DNAH1: variants seen among roughly 807,000 people sequenced by gnomAD.
The protein encoded by DNAH1 is axonemal beta dynein heavy chain 1.
Under a neutral mutation model 484.3 loss-of-function variants are expected in DNAH1, and 327 were observed. That is an observed-to-expected ratio of 0.68 (90% CI 0.62 to 0.74). The LOEUF (loss-of-function observed/expected upper bound fraction) is 0.74, where lower values mean the gene tolerates loss of function less well. Ranked by LOEUF, DNAH1 falls within the 30% of genes least tolerant of loss-of-function variation. The pLI, the probability that DNAH1 is intolerant of heterozygous loss-of-function variation, is 0.00. For synonymous variants in DNAH1, 2,192 were observed against 2,191.9 expected (o/e 1.00, Z 0.00); for missense variants, 5,052 against 5,546.8 (o/e 0.91, Z 2.83).
chr3:52,383,738 A>C, intron 51 of DNAH1, 122 bp from the exon 52 acceptor site: 1 of 1,412,216 alleles, frequency 7.1e-7, no homozygotes, highest in Non-Finnish European at 9.4e-7. Context: ...CATTGGGCCC[A>C]GGCTGCTGTG....
intron 46 of DNAH1, among the ~76,000 whole-genome samples, chr3:52,378,221 C>A (rs922134273): frequency 7.2e-5 from 11 of 151,820 alleles, no homozygotes; most frequent in Admixed American, 6.6e-4. Context: ...CATCTTGAGG[C>A]CTACGTGGAT....
In DNAH1 at chr3:52,362,831, AC is replaced by A. The variant is rs1176578790; in HGVS notation, c.5095-163del. 6.6e-6 allele frequency among the ~76,000 whole-genome samples: 1 copy of A among 152,082 alleles called. No individual in the cohort carries two copies. The highest frequency in any genetic ancestry group is 1.9e-4 in the East Asian group (1 of 5,184). ...AGGTTTGGATCAACACCAAGGATCCACTCTAATGGCAGAGCTACCAGTCTCA... is the reference window on the plus strand; with the variant it reads ...AGGTTTGGATCAACACCAAGGATCCATCTAATGGCAGAGCTACCAGTCTCA... On this transcript the variant is annotated intron_variant, in intron 31 of 77. Coordinates refer to ENST00000420323, the MANE Select transcript of DNAH1 (RefSeq NM_015512.5). The surrounding 1 kb of genome is among the most constrained non-coding windows in gnomAD (Gnocchi z 5.1).
At chr3:52,334,957 G>A (rs1043138155) in intron 8 of DNAH1, among the ~76,000 whole-genome samples, 3 of 151,418 alleles carry the variant, frequency 2.0e-5, no homozygotes, top group African/African-American at 7.3e-5. Flanking sequence ...CCGCCACCAT[G>A]CCCGGCTAAT....
In DNAH1 at chr3:52,392,862, G is replaced by T; in HGVS notation, c.10311G>T (p.Lys3437Asn). The part of the protein sequence containing the change: ...AKVRIAEQTE[K>N]DIDLTRMEYI... ...TCAGGATTGCAGAGCAGACGGAGAA[G>T]GACATCGACCTGACGCGCATGGAGT... The change falls in exon 65 of 78, where the codon AAG becomes AAT. Residue 3437 changes from lysine (K) to asparagine (N), a missense_variant. Lys to Asn is a moderately conservative substitution (Grantham distance 94, BLOSUM62 0). Transcript: ENST00000420323. The T allele has an allele frequency of 6.2e-7, 1 of 1,606,118 alleles. No homozygotes were observed. Among genetic ancestry groups the T allele is most frequent in the Non-Finnish European group, 8.5e-7 (1 of 1,177,804 alleles).
chr3:52,383,069 ATCTCTGCCCGTGGC>A (rs1211463913), intron 50 of DNAH1, among the ~76,000 whole-genome samples: 2 of 152,338 alleles, frequency 1.3e-5, no homozygotes, highest in East Asian at 3.9e-4. Flanking sequence ...GCAAGGACCT[ATCTCTGCCCGTGGC>A]CATGGTTTCC....
At chr3:52,392,139 C>T (rs1473113235) in intron 63 of DNAH1, among the ~76,000 whole-genome samples, 1 of 152,196 alleles carries the variant, frequency 6.6e-6, no homozygotes, top group African/African-American at 2.4e-5. Flanking sequence ...GCAAAAACAC[C>T]CTGAAGGCCT....
chr3:52,353,602 A>T lies in DNAH1; in HGVS notation c.3449A>T (p.Glu1150Val), dbSNP rs1235669735. 1.1e-5 allele frequency: 17 copies of T among 1,607,696 alleles called. No individual in the cohort carries two copies. In the East Asian group the frequency reaches 3.8e-4, roughly 36 times the overall value. ...ATCGAGAGCATCAGCAAGGTGGCTG[A>T]GGTGGCTGGCAAGGAGTACGCCATC... ...DHIESISKVAEVAGKEYAIEQ... is the reference protein window; with the variant it reads ...DHIESISKVAVVAGKEYAIEQ... Residue 1150 changes from glutamate (E) to valine (V), a missense_variant, in exon 20 of 78, where the codon GAG becomes GTG. By Grantham distance (121) the Glu-to-Val change is moderately radical. Coordinates refer to ENST00000420323, the MANE Select transcript of DNAH1 (RefSeq NM_015512.5). This position sits in a 1 kb window ranked among gnomAD's most constrained non-coding sequence, Gnocchi z 5.0.
chr3:52,381,778 C>CT lies in DNAH1; in HGVS notation c.7748dup (p.Leu2584ProfsTer28). 3 of 1,606,338 alleles carry CT rather than the reference C, an allele frequency of 1.9e-6. No homozygotes were observed. The highest frequency in any genetic ancestry group is 2.5e-6 in the Non-Finnish European group (3 of 1,177,222). ...CCTACGCCAGGCGCTGGGCAATGCA[C>CT]TCCTGCTGGGCGTGGGTGGCAGCGG... is the stretch of plus-strand genomic sequence containing the variant. On this transcript the variant is annotated frameshift_variant, in exon 49 of 78. Transcript: ENST00000420323. LOFTEE classifies it high-confidence loss of function. This position sits in a 1 kb window ranked among gnomAD's most constrained non-coding sequence, Gnocchi z 4.1.
In DNAH1 at chr3:52,360,032, G is replaced by A; in HGVS notation, c.4524G>A (p.Gln1508=). ...AGGACGTGGTGAGCAAGCTAATCCA[G>A]GAGAACGTGGTCAGCGTGAATGACT... The part of the protein sequence containing the change: ...HAKDVVSKLI[Q]ENVVSVNDFQ... Residue 1508 remains glutamine (Q), a synonymous_variant, in exon 27 of 78, where the codon CAG becomes CAA. Coordinates refer to ENST00000420323, the MANE Select transcript of DNAH1 (RefSeq NM_015512.5). The A allele has an allele frequency of 6.2e-7, 1 of 1,613,936 alleles. No homozygotes were observed. Among genetic ancestry groups the A allele is most frequent in the East Asian group, 2.2e-5 (1 of 44,888 alleles).
chr3:52,343,513 A>G (rs565129415), intron 8 of DNAH1, among the ~76,000 whole-genome samples: 2 of 152,066 alleles, frequency 1.3e-5, no homozygotes, highest in Admixed American at 1.3e-4. Flanking sequence ...AGAGAAGGTG[A>G]GAGAGAGTCT....
Position 52,382,335 on chromosome 3 carries a change from C to T in DNAH1, c.7821C>T (p.Cys2607=). Residue 2607 remains cysteine, a synonymous_variant, in exon 50 of 78, where the codon TGC becomes TGT. Transcript: ENST00000420323. ...RLASHMAEYE[C]FQIELSKNYG... is the part of the protein sequence containing the mutation. ...CTGCCTCCAGGGCCGAGTACGAGTG[C>T]TTCCAGATTGAACTATCCAAGAACT... is the stretch of plus-strand genomic sequence containing the variant. 1 of 1,614,006 alleles carries T rather than the reference C, an allele frequency of 6.2e-7. No homozygotes were observed. Among genetic ancestry groups the T allele is most frequent in the South Asian group, 1.1e-5 (1 of 91,080 alleles).
rs776434288 is a variant in DNAH1, at chr3:52,386,237, G to T, written c.8703G>T (p.Lys2901Asn). 6.2e-7 allele frequency: 1 copy of T among 1,613,678 alleles called. No homozygotes were observed. Among genetic ancestry groups the T allele is most frequent in the East Asian group, 2.2e-5 (1 of 44,882 alleles). ...TCAAAGCCAATGAGAAGGCCAAGAA[G>T]GCACAAGCTATTGCTGACGATGCCC... ...EEIKANEKAK[K>N]AQAIADDAQK... The change falls in exon 55 of 78, where the codon AAG becomes AAT. Residue 2901 changes from lysine to asparagine, a missense_variant. Physicochemically the swap from Lys to Asn is moderately conservative, Grantham distance 94. Around this residue, in one of 4 missense-constraint regions of DNAH1, gnomAD observed 2,929 missense variants for 3,409.4 expected, o/e 0.86. Coordinates refer to ENST00000420323, the MANE Select transcript of DNAH1 (RefSeq NM_015512.5).
intron 54 of DNAH1, 38 bp downstream of exon 54, chr3:52,385,485 CTG>C: frequency 6.6e-7 from 1 of 1,525,048 alleles, no homozygotes. Context: ...ATGCCTGACT[CTG>C]AGGAAGCTCG....
chr3:52,394,600 T>G lies in DNAH1; in HGVS notation c.10762T>G (p.Ser3588Ala). 2 of 1,606,668 alleles carry G rather than the reference T, an allele frequency of 1.2e-6. No individual in the cohort carries two copies. The highest frequency in any genetic ancestry group is 2.7e-5 in the African/African-American group (2 of 74,964). The change falls in exon 67 of 78, where the codon TCC (serine) becomes GCC (alanine). Residue 3588 changes from serine (S) to alanine (A), a missense_variant. Around this residue, in one of 4 missense-constraint regions of DNAH1, gnomAD observed 853 missense variants for 899.0 expected, o/e 0.95. Coordinates refer to ENST00000420323, the MANE Select transcript of DNAH1 (RefSeq NM_015512.5). ...CCTGCCAACCTTTTCCTCCTTCTCT[T>G]CCGACTTCGTGAAGCACCTCTCAGA... ...SNLPTFSSFSSDFVKHLSEFR... is the reference protein window; with the variant it reads ...SNLPTFSSFSADFVKHLSEFR...
rs776136093 is a variant in DNAH1, at chr3:52,322,685, C to G, written c.243C>G (p.Pro81=). The change falls in exon 2 of 78, where the codon CCC becomes CCG. Residue 81 remains proline (P), a synonymous_variant. Transcript: ENST00000420323. ...ACTTGGGGCAGCCACGGAAGTCACC[C>G]CTGACAGGCACTGATAAGAAGTACC... ...LSDLGQPRKS[P]LTGTDKKYPL... 12 of 1,613,804 alleles carry G rather than the reference C, an allele frequency of 7.4e-6. No homozygotes were observed. In the East Asian group the frequency reaches 1.6e-4, roughly 21 times the overall value.
chr3:52,345,602 G>C lies in DNAH1; in HGVS notation c.1552G>C (p.Ala518Pro), dbSNP rs760899228. Residue 518 changes from alanine to proline, a missense_variant, in exon 10 of 78, where the codon GCC becomes CCC. By Grantham distance (27) the Ala-to-Pro change is conservative. This residue lies in a region of DNAH1 where 1,263 missense variants were observed against 1,218.8 expected (regional missense o/e 1.04). Coordinates refer to ENST00000420323, the MANE Select transcript of DNAH1 (RefSeq NM_015512.5). ...EVITALSKVR[A>P]ECNKVTAMSL... ...CATCACGGCCCTCAGCAAGGTGAGG[G>C]CCGAGTGCAACAAGGTGACCGCCAT... 3 of 1,605,670 alleles carry C rather than the reference G, an allele frequency of 1.9e-6. No individual in the cohort carries two copies. The African/African-American group carries it at 4.0e-5, about 21-fold the overall frequency.
chr3:52,346,795 C>A, intron 11 of DNAH1, 25 bp downstream of exon 11: 1 of 1,584,616 alleles, frequency 6.3e-7, no homozygotes, highest in Non-Finnish European at 8.6e-7. Context: ...GGCGGAGGCA[C>A]CTGTTGACAC....
chr3:52,310,961 A>G, the DNAH1 span, among the ~76,000 whole-genome samples: 1 of 152,306 alleles, frequency 6.6e-6, no homozygotes, highest in South Asian at 2.1e-4. Context: ...GGGATTGACA[A>G]TGAGCTGGTG....
At position 52,326,249 on chromosome 3, in the gene DNAH1, G is replaced by T; in HGVS notation, c.516G>T (p.Glu172Asp). ...AQTDFPLQAY[E>D]PKMQVPFQVL... ...CTGACTTCCCACTGCAGGCCTACGA[G>T]CCCAAGATGCAGGTGCCTTTCCAGG... Residue 172 changes from glutamate (E) to aspartate (D), a missense_variant, in exon 4 of 78, where the codon GAG (glutamate) becomes GAT (aspartate). By Grantham distance (45) the Glu-to-Asp change is conservative. This residue lies in a region of DNAH1 where 1,263 missense variants were observed against 1,218.8 expected (regional missense o/e 1.04). Transcript: ENST00000420323. 1 of 1,612,938 alleles carries T rather than the reference G, an allele frequency of 6.2e-7. No homozygotes were observed.
Sources: allele counts gnomAD v4.1 joint callset (sites outside exome capture counted in the v4.1 genomes callset), GRCh38; gene constraint gnomAD v4.1.1; regional missense constraint gnomAD v4.1.1; non-coding constraint Gnocchi (gnomAD v3.1); transcripts MANE v1.5; gene names NCBI Gene and HGNC (gene_info 2026-07-23, HGNC 2026-07-21).